CHD1L: variants seen among roughly 807,000 people sequenced by gnomAD.
CHD1L encodes chromodomain helicase DNA binding protein 1 like, also known as ATP-dependent chromatin remodeler CHD1L.
CHD1L carries 118 observed loss-of-function variants against 115.9 expected under a neutral mutation model. The ratio of observed to expected loss-of-function variants is 1.02; its 90% CI spans 0.88 to 1.19. The LOEUF (loss-of-function observed/expected upper bound fraction) is 1.19. Ranked by LOEUF, CHD1L falls within the 50% of genes most tolerant of loss-of-function variation. The pLI, the probability that CHD1L is intolerant of heterozygous loss-of-function variation, is 0.00. For synonymous variants in CHD1L, 411 were observed against 387.1 expected (o/e 1.06, Z -0.72); for missense variants, 1,179 against 1,065.3 (o/e 1.11, Z -1.49).
intron 11 of CHD1L, among the ~76,000 whole-genome samples, chr1:147,271,377 G>A (rs986496011): frequency 1.3e-5 from 2 of 152,134 alleles, no homozygotes; most frequent in Non-Finnish European, 2.9e-5. Context: ...TCAGTGAAAA[G>A]GTGAATATTG....
chr1:147,197,462 G>A, the CHD1L span, among the ~76,000 whole-genome samples: 1 of 152,132 alleles, frequency 6.6e-6, no homozygotes, highest in South Asian at 2.1e-4. Flanking sequence ...TTGAATTTTG[G>A]GTCCCACAAT....
chr1:147,215,182 AAAATTG>A, the CHD1L span: 1 of 152,228 alleles, frequency 6.6e-6, no homozygotes, highest in South Asian at 2.1e-4. Context: ...AAAATTTTTA[AAAATTG>A]AAATTGAGGA....
At chr1:147,243,167 T>G (rs966439072) in intron 1 of CHD1L, 4 of 193,954 alleles carry the variant, frequency 2.1e-5, no homozygotes, top group Admixed American at 6.1e-5. Flanking sequence ...GCACCAAGGA[T>G]GTAGGTTTCC....
chr1:147,181,520 T>C, the CHD1L span, among the ~76,000 whole-genome samples: 1 of 152,104 alleles, frequency 6.6e-6, no homozygotes, highest in African/African-American at 2.4e-5. Flanking sequence ...AGACAACATA[T>C]TTGAGGTTTG....
chr1:147,274,937 ACTCTTCTCTTGACAGTG>A, intron 12 of CHD1L, among the ~76,000 whole-genome samples: 1 of 152,120 alleles, frequency 6.6e-6, no homozygotes, highest in East Asian at 1.9e-4. Context: ...GACATTCGGC[ACTCTTCTCTTGACAGTG>A]CGCACTGCAG....
At chr1:147,191,260 G>C in the CHD1L span, among the ~76,000 whole-genome samples, 5,601 of 152,114 alleles carry the variant, frequency 0.037, 157 homozygotes, top group South Asian at 0.095. Flanking sequence ...AATCGCCACA[G>C]TGACTTCCAC....
the CHD1L span, among the ~76,000 whole-genome samples, chr1:147,200,576 A>ATG: frequency 6.5e-5 from 7 of 108,240 alleles, no homozygotes; most frequent in East Asian, 1.7e-3. Context: ...CTACTGACTC[A>ATG]TATGAAACCT....
At chr1:147,282,597 T>A (rs781860045) in intron 15 of CHD1L, among the ~76,000 whole-genome samples, 2 of 152,198 alleles carry the variant, frequency 1.3e-5, no homozygotes, top group Non-Finnish European at 2.9e-5. Flanking sequence ...AGATCTTTTT[T>A]AAAATTCCTT....
chr1:147,186,972 C>CATAG, the CHD1L span: 4 of 1,614,174 alleles, frequency 2.5e-6, no homozygotes, highest in East Asian at 2.2e-5. Context: ...TTGTTGAAGT[C>CATAG]ATAGAACTAC....
intron 3 of CHD1L, 150 bp downstream of exon 3, chr1:147,255,126 T>C: frequency 1.9e-6 from 1 of 528,926 alleles, no homozygotes. Flanking sequence ...AGGTAGACAC[T>C]GAGGATATAA....
chr1:147,194,713 A>C, the CHD1L span, among the ~76,000 whole-genome samples: 1 of 152,006 alleles, frequency 6.6e-6, no homozygotes, highest in African/African-American at 2.4e-5. Context: ...GTGGTCACAA[A>C]ATCTCTCAGC....
At chr1:147,243,582 C>T (rs1665606684) in intron 1 of CHD1L, among the ~76,000 whole-genome samples, 1 of 152,166 alleles carries the variant, frequency 6.6e-6, no homozygotes, top group African/African-American at 2.4e-5. Context: ...AGACCCCGCT[C>T]TCCTCCTGGG....
rs587711937 is a variant in CHD1L, at chr1:147,266,583, C to T, written c.895+496C>T. ...CTCCTTTTGTTCTGCGTATCCACGC[C>T]GTCAGCGTTAGTAGCCTGCTCTGTC... is the stretch of plus-strand genomic sequence containing the variant. On this transcript the variant is annotated intron_variant, in intron 8 of 22. Coordinates refer to ENST00000369258, the MANE Select transcript of CHD1L (RefSeq NM_004284.6). 3.3e-5 allele frequency among the ~76,000 whole-genome samples: 5 copies of T among 152,328 alleles called. No individual in the cohort carries two copies. In the South Asian group the frequency reaches 6.2e-4, roughly 19 times the overall value.
intron 8 of CHD1L, 53 bp from the exon 9 acceptor site, chr1:147,267,373 T>G: frequency 3.6e-6 from 5 of 1,405,796 alleles, no homozygotes; most frequent in Non-Finnish European, 5.0e-6. Context: ...TTGGTTTCTG[T>G]TTTGTTCAGT....
chr1:147,222,593 A>T, the CHD1L span, among the ~76,000 whole-genome samples: 1 of 152,182 alleles, frequency 6.6e-6, no homozygotes, highest in Admixed American at 6.5e-5. Context: ...AAAAATGGAG[A>T]TAGTAGAATA....
upstream of CHD1L, among the ~76,000 whole-genome samples, chr1:147,238,518 T>C (rs142475820): frequency 2.4e-3 from 367 of 152,356 alleles, 6 homozygotes; most frequent in African/African-American, 8.2e-3. Flanking sequence ...GGACATATCC[T>C]TTCTGTGGAG....
chr1:147,268,250 CTTTT>C (rs1674735314), intron 9 of CHD1L, among the ~76,000 whole-genome samples: 4 of 152,044 alleles, frequency 2.6e-5, no homozygotes, highest in Admixed American at 2.0e-4. Context: ...CATACTGGGG[CTTTT>C]TTGATTCCCT....
At chr1:147,256,671 C>A in intron 5 of CHD1L, 109 bp downstream of exon 5, 2 of 1,064,970 alleles carry the variant, frequency 1.9e-6, no homozygotes, top group South Asian at 1.4e-5. Context: ...GTATGTCTTC[C>A]ATGAGTTCTG....
At chr1:147,206,212 A>G in the CHD1L span, among the ~76,000 whole-genome samples, 2 of 150,736 alleles carry the variant, frequency 1.3e-5, no homozygotes, top group African/African-American at 2.5e-5. Flanking sequence ...CAAAACCACA[A>G]TGAGTTACCA....
Sources: gnomAD v4.1 joint callset for allele counts (sites outside exome capture counted in the v4.1 genomes callset) on GRCh38, gnomAD v4.1.1 for gene constraint, MANE v1.5 for transcripts, NCBI Gene and HGNC (gene_info 2026-07-23, HGNC 2026-07-21) for gene names.